The following WDR45B variants were observed in gnomAD, a reference collection of about 807,000 sequenced individuals.
WDR45B encodes the protein WD repeat domain phosphoinositide-interacting protein 3.
In WDR45B, 20 loss-of-function variants were observed where a neutral mutation model predicts 44.6. That is an observed-to-expected ratio of 0.45 (90% confidence interval 0.32 to 0.65). The LOEUF is 0.65. Among genes scored for constraint, WDR45B ranks in the 30% least tolerant of loss-of-function variants. WDR45B has a pLI of 0.05. For synonymous variants in WDR45B, 169 were observed against 164.9 expected, an observed-to-expected ratio of 1.02 and a Z score of -0.19; for missense variants, 323 against 430.2, an observed-to-expected ratio of 0.75 and a Z score of 2.20.
chr17:82,617,203 C>G (rs375129188), intron 8 of WDR45B, 93 bp downstream of exon 8: 5 of 1,155,542 alleles, frequency 4.3e-6, no homozygotes, highest in East Asian at 4.9e-5. Context: ...CCACACCACC[C>G]TGCTGGGGTG....
chr17:82,638,437 G>A lies in WDR45B; in HGVS notation c.142+5512C>T, dbSNP rs573430194. 2.8e-4 allele frequency among the ~76,000 whole-genome samples: 43 copies of A among 151,640 alleles called. No individual in the cohort carries two copies. The South Asian group carries it at 4.0e-3, about 14-fold the overall frequency. ...ACTAACCAGGTCTGTGGGAGTTACC[G>A]GCCAGGGTGAAAACCAAAATATATA... On this transcript the variant is annotated intron_variant, in intron 2 of 9. Coordinates refer to ENST00000392325, the MANE Select transcript of WDR45B (RefSeq NM_019613.4).
chr17:82,629,358 A>G (rs1229021549), intron 3 of WDR45B, among the ~76,000 whole-genome samples: 2 of 152,128 alleles, frequency 1.3e-5, no homozygotes, highest in African/African-American at 4.8e-5. Flanking sequence ...CCCATCCCCA[A>G]TTAGCCAGGG....
At chr17:82,623,270 CCAG>C (rs2045643551) in intron 5 of WDR45B, among the ~76,000 whole-genome samples, 1 of 151,330 alleles carries the variant, frequency 6.6e-6, no homozygotes, top group South Asian at 2.1e-4. Flanking sequence ...GCCTGTAATC[CCAG>C]CTACTTGGGG....
intron 1 of WDR45B, among the ~76,000 whole-genome samples, chr17:82,645,447 A>G (rs531522794): frequency 7.4e-4 from 113 of 152,336 alleles, no homozygotes; most frequent in African/African-American, 2.6e-3. Flanking sequence ...AGAAACACAA[A>G]ATCAGGAAAA....
At chr17:82,647,991 T>TCGGCCC (rs1453822306) in intron 1 of WDR45B, among the ~76,000 whole-genome samples, 1 of 133,638 alleles carries the variant, frequency 7.5e-6, no homozygotes, top group Non-Finnish European at 1.6e-5. Flanking sequence ...GACCTCGACC[T>TCGGCCC]CGGCCCGGGA....
chr17:82,619,658 T>C (rs1190512320), intron 6 of WDR45B, among the ~76,000 whole-genome samples: 1 of 152,058 alleles, frequency 6.6e-6, no homozygotes, highest in East Asian at 1.9e-4. Context: ...GTTTTTAACA[T>C]CTCCTCCAGA....
chr17:82,625,279 G>T, intron 5 of WDR45B, 110 bp downstream of exon 5: 1 of 1,041,456 alleles, frequency 9.6e-7, no homozygotes, highest in Non-Finnish European at 1.5e-6. Context: ...GCTCAGGATT[G>T]CTCTCGCCAA....
At chr17:82,633,055 T>C (rs1342392392) in intron 2 of WDR45B, among the ~76,000 whole-genome samples, 1 of 150,502 alleles carries the variant, frequency 6.6e-6, no homozygotes, top group Non-Finnish European at 1.5e-5. Flanking sequence ...CCCAGCTATA[T>C]AGGAGTCTGT....
chr17:82,630,509 C>T (rs746602410), intron 3 of WDR45B, among the ~76,000 whole-genome samples: 5 of 152,230 alleles, frequency 3.3e-5, no homozygotes, highest in Middle Eastern at 3.4e-3. Context: ...ACTCCCACTC[C>T]GACAAACATA....
rs182402989 is a variant in WDR45B at position 82,638,885 on chromosome 17, C to T, written c.142+5064G>A. Among the ~76,000 whole-genome samples, 5 of 152,086 alleles carry T rather than the reference C, an allele frequency of 3.3e-5. No individual in the cohort carries two copies. The East Asian group carries it at 9.6e-4, about 29-fold the overall frequency. On this transcript the variant is annotated intron_variant, in intron 2 of 9. Transcript: ENST00000392325. ...GTCACCAGGCTGGAGTGCAGTGGCA[C>T]GATCTCGGCTCACTGTAACCTCCGC...
At chr17:82,646,700 TTATGATA>T (rs2045983134) in intron 1 of WDR45B, among the ~76,000 whole-genome samples, 1 of 152,130 alleles carries the variant, frequency 6.6e-6, no homozygotes, top group Non-Finnish European at 1.5e-5. Flanking sequence ...ACCTGAACAC[TTATGATA>T]TATCCACCCT....
intron 7 of WDR45B, among the ~76,000 whole-genome samples, chr17:82,618,666 C>G (rs557724787): frequency 6.6e-6 from 1 of 151,950 alleles, no homozygotes; most frequent in Non-Finnish European, 1.5e-5. Context: ...GGGCCCAGGT[C>G]GAGGCTGTAG....
intron 3 of WDR45B, 120 bp downstream of exon 3, chr17:82,630,801 G>C: frequency 9.9e-7 from 1 of 1,012,774 alleles, no homozygotes; most frequent in Non-Finnish European, 1.6e-6. Flanking sequence ...CCAGTGACCA[G>C]TCCTGGATAT....
At chr17:82,641,803 C>G (rs2045920151) in intron 2 of WDR45B, among the ~76,000 whole-genome samples, 1 of 152,018 alleles carries the variant, frequency 6.6e-6, no homozygotes, top group Non-Finnish European at 1.5e-5. Context: ...GAGGCTGAGG[C>G]AGGAGAAAGG....
intron 1 of WDR45B, among the ~76,000 whole-genome samples, chr17:82,647,111 C>T (rs2143398245): frequency 6.6e-6 from 1 of 152,288 alleles, no homozygotes; most frequent in African/African-American, 2.4e-5. Flanking sequence ...CGCCTGTAAT[C>T]CCAGCTACTC....
Position 82,615,682 on chromosome 17 carries a change from G to A in WDR45B, c.*237C>T. 1.8e-6 allele frequency: 1 copy of A among 552,108 alleles called. No homozygotes were observed. The highest frequency in any genetic ancestry group is 3.3e-6 in the Non-Finnish European group (1 of 306,288). 34.2% of individuals were successfully genotyped at this position (552,108 alleles called of 1,614,324 possible). On this transcript the variant is annotated 3_prime_UTR_variant, in exon 10 of 10. Transcript: ENST00000392325. ...AGCTGAACTCATGGGAACAGCCAGT[G>A]GCCGCCAGTCGAGCTGGTCACAGCC... is the stretch of plus-strand genomic sequence containing the variant.
In WDR45B at chr17:82,616,534, G is replaced by GT; in HGVS notation, c.917dup (p.Asn306LysfsTer37). 6.2e-7 allele frequency: 1 copy of GT among 1,614,136 alleles called. No homozygotes were observed. The highest frequency in any genetic ancestry group is 8.5e-7 in the Non-Finnish European group (1 of 1,180,010). On this transcript the variant is annotated frameshift_variant, in exon 9 of 10. Transcript: ENST00000392325. LOFTEE classifies it high-confidence loss of function. ...GGAAGGACCACTCACCAATGACGGC[G>GT]TTTGGCTCTGTTCCAAAGGCACAAA...
intron 2 of WDR45B, among the ~76,000 whole-genome samples, chr17:82,637,939 C>T (rs532007047): frequency 6.6e-6 from 1 of 150,850 alleles, no homozygotes; most frequent in Non-Finnish European, 1.5e-5. Context: ...TCTGGGAGGC[C>T]GAGGCAGACA....
At chr17:82,627,384 C>A (rs765610678) in intron 3 of WDR45B, 93 bp from the exon 4 acceptor site, 20 of 1,075,236 alleles carry the variant, frequency 1.9e-5, no homozygotes, top group Non-Finnish European at 2.8e-5. Context: ...GGTGTTTTCT[C>A]TTCCCACTGG....
Sources: gnomAD v4.1 joint callset for allele counts (sites outside exome capture counted in the v4.1 genomes callset) on GRCh38, gnomAD v4.1.1 for gene constraint, MANE v1.5 for transcripts, NCBI Gene and HGNC (gene_info 2026-07-23, HGNC 2026-07-21) for gene names.